Variants in PDGFA observed in about 807,000 individuals in gnomAD.
PDGFA encodes the protein platelet-derived growth factor subunit A.
PDGFA carries 9 observed loss-of-function variants against 25.6 expected under a neutral mutation model. That is an observed-to-expected ratio of 0.35 (90% CI 0.21 to 0.61). The LOEUF (loss-of-function observed/expected upper bound fraction) is 0.61. Among genes scored for constraint, PDGFA ranks in the 20% least tolerant of loss-of-function variants. The probability of loss-of-function intolerance (pLI) is 0.75; values close to 1 mark genes in which losing one functional copy is unlikely to be tolerated. For missense variants in PDGFA, 242 were observed against 272.8 expected (o/e 0.89, Z 0.79); for synonymous variants, 133 against 111.8 (o/e 1.19, Z -1.20).
At chr7:510,684 A>C in intron 4 of PDGFA, 125 bp downstream of exon 4, 11 of 346,558 alleles carry the variant, frequency 3.2e-5, no homozygotes, top group East Asian at 5.7e-5. Context: ...GCTGCTTGGT[A>C]GGGGCGGCCC....
At chr7:510,831 C>T (rs184796222) in exon 4 of PDGFA, 82 of 1,595,116 alleles carry the variant, frequency 5.1e-5, no homozygotes, top group Non-Finnish European at 6.7e-5. Flanking sequence ...GTGGTGGACG[C>T]GGGAGGGCTG....
At chr7:501,373 T>G in intron 4 of PDGFA, 131 bp from the exon 5 acceptor site, 3 of 1,093,016 alleles carry the variant, frequency 2.7e-6, no homozygotes, top group South Asian at 2.7e-5. Context: ...CCAGAAACAC[T>G]ACCTTGTGGT....
intron 3 of PDGFA, 86 bp from the exon 4 acceptor site, chr7:511,082 G>A (rs901168511): frequency 9.3e-7 from 1 of 1,080,352 alleles, no homozygotes; most frequent in Admixed American, 2.0e-5. Context: ...AGCTGGGCCT[G>A]GGGGGCAACC....
chr7:502,162 C>T (rs1782368734), intron 4 of PDGFA, among the ~76,000 whole-genome samples: 1 of 152,052 alleles, frequency 6.6e-6, no homozygotes, highest in African/African-American at 2.4e-5. Flanking sequence ...TTTGAGGCTG[C>T]AGTGAGCTGG....
chr7:500,375 A>T lies in PDGFA; in HGVS notation c.580+741T>A. 6.4e-7 allele frequency: 1 copy of T among 1,564,914 alleles called. No individual in the cohort carries two copies. The highest frequency in any genetic ancestry group is 8.8e-7 in the Non-Finnish European group (1 of 1,135,522). On this transcript the variant is annotated intron_variant, in intron 5 of 5. Coordinates refer to ENST00000402802, the Ensembl canonical transcript of PDGFA. The surrounding 1 kb of genome is among the most constrained non-coding windows in gnomAD (Gnocchi z 5.0). ...GGAAGCGTGATTTGCTGGTGTGATCAGTCAGTTGCACCTCCCCGCCCTGCA... is the reference window on the plus strand; with the variant it reads ...GGAAGCGTGATTTGCTGGTGTGATCTGTCAGTTGCACCTCCCCGCCCTGCA...
In PDGFA at chr7:510,351, T is replaced by C. The variant is rs186344014; in HGVS notation, c.453+458A>G. ...CCCCACCAGCCACACCAGGGGCACC[T>C]TGTGGCCTCCCAGGAGGGACCCTGG... On this transcript the variant is annotated intron_variant, in intron 4 of 5. Coordinates refer to ENST00000402802, the Ensembl canonical transcript of PDGFA. 6.3e-3 allele frequency among the ~76,000 whole-genome samples: 961 copies of C among 151,968 alleles called. 13 individuals are homozygous for C. The highest frequency in any genetic ancestry group is 0.042 in the South Asian group (200 of 4,802).
Position 500,403 on chromosome 7 carries a change from A to T in PDGFA, c.580+713T>A. 6.2e-7 allele frequency: 1 copy of T among 1,611,562 alleles called. No homozygotes were observed. The highest frequency in any genetic ancestry group is 8.5e-7 in the Non-Finnish European group (1 of 1,177,750). On this transcript the variant is annotated intron_variant, in intron 5 of 5. Transcript: ENST00000402802. The surrounding 1 kb of genome is among the most constrained non-coding windows in gnomAD (Gnocchi z 5.0). ...CAGTTGCACCTCCCCGCCCTGCAGG[A>T]CTCAGTGTGTCCGGCAGACAGTCCT...
intron 4 of PDGFA, among the ~76,000 whole-genome samples, chr7:503,559 G>C (rs1242152495): frequency 6.6e-6 from 1 of 152,158 alleles, no homozygotes; most frequent in African/African-American, 2.4e-5. Flanking sequence ...CAACCTTCTT[G>C]GGGGGAAGGG....
intron 2 of PDGFA, 69 bp from the exon 3 acceptor site, chr7:512,524 C>T: frequency 6.2e-7 from 1 of 1,608,558 alleles, no homozygotes; most frequent in Non-Finnish European, 8.5e-7. Flanking sequence ...TGTCCAGCCG[C>T]ACTTCCCACA....
At chr7:512,290 CGG>C in intron 3 of PDGFA, 59 bp downstream of exon 3, 1 of 1,487,358 alleles carries the variant, frequency 6.7e-7, no homozygotes. Context: ...CTGCCCATCG[CGG>C]CCTCCTGGAC....
intron 2 of PDGFA, among the ~76,000 whole-genome samples, chr7:516,882 C>T (rs1392821490): frequency 6.6e-6 from 1 of 152,198 alleles, no homozygotes; most frequent in Non-Finnish European, 1.5e-5. Context: ...GCCACAGAGG[C>T]CCAGCCCTGC....
chr7:515,410 C>G (rs970935772), intron 2 of PDGFA, among the ~76,000 whole-genome samples: 11 of 152,168 alleles, frequency 7.2e-5, no homozygotes, highest in Non-Finnish European at 1.5e-5. Context: ...AAAGACACCC[C>G]CTACAAGCTG....
chr7:501,319 C>G, intron 4 of PDGFA, 77 bp from the exon 5 acceptor site: 1 of 1,586,108 alleles, frequency 6.3e-7, no homozygotes, highest in Non-Finnish European at 8.6e-7. Flanking sequence ...GAGCCGGGGA[C>G]AGGCTGAGAG....
chr7:516,250 G>T (rs1783095729), intron 2 of PDGFA, among the ~76,000 whole-genome samples: 1 of 145,124 alleles, frequency 6.9e-6, no homozygotes, highest in South Asian at 2.2e-4. Flanking sequence ...GGGATTTCCT[G>T]GGTCAAGAAA....
At position 501,088 on chromosome 7, in the gene PDGFA, A is replaced by G. The variant is rs777386545; in HGVS notation, c.580+28T>C. On this transcript the variant is annotated intron_variant, in intron 5 of 5. Transcript: ENST00000402802. ...AGGCTCTGAAGACCTGTTCTCCAAC[A>G]CCGATGCCGACGAAGGCAGCCACTC... 10 of 1,614,038 alleles carry G rather than the reference A, an allele frequency of 6.2e-6. No individual in the cohort carries two copies. The Admixed American group carries it at 1.7e-4, about 27-fold the overall frequency.
chr7:520,117 CT>C, upstream of PDGFA: 1 of 383,628 alleles, frequency 2.6e-6, no homozygotes, highest in Non-Finnish European at 5.2e-6. Context: ...CTTGCCCACC[CT>C]CCAGTGCCAG....
At position 499,950 on chromosome 7, in the gene PDGFA, A is replaced by G. The variant is rs554834381; in HGVS notation, c.580+1166T>C. Among the ~76,000 whole-genome samples the G allele has an allele frequency of 4.7e-4, 71 of 152,200 alleles. 1 individual carries two copies. The highest frequency in any genetic ancestry group is 1.7e-3 in the African/African-American group (71 of 41,520). The stretch of plus-strand genomic sequence containing the variant: ...AATCCCTGTGCTGTCTGGTGTTACT[A>G]GCAGCCAAATGCAATTTCCAACACA... On this transcript the variant is annotated intron_variant, in intron 5 of 5. Coordinates refer to ENST00000402802, the Ensembl canonical transcript of PDGFA.
At position 517,317 on chromosome 7, in the gene PDGFA, C is replaced by CGG; in HGVS notation, c.160+76_160+77insCC. The CGG allele has an allele frequency of 1.9e-6, 1 of 540,480 alleles. No individual in the cohort carries two copies. The allele number at this position is 540,480 out of a possible 1,614,324, so 33.5% of individuals were successfully genotyped here. The stretch of plus-strand genomic sequence containing the variant: ...TTCGGTGCGCTCCTGCGCGGCGCCC[C>CGG]GCCCGGCCCCAGCTCGGGGCGCACA... On this transcript the variant is annotated intron_variant, in intron 2 of 5. Transcript: ENST00000402802. The surrounding 1 kb of genome is among the most constrained non-coding windows in gnomAD (Gnocchi z 7.4).
exon 1 of PDGFA, chr7:519,354 C>T (rs1185705783): frequency 1.1e-5 from 3 of 264,740 alleles, no homozygotes; most frequent in Non-Finnish European, 2.1e-5. Context: ...CCCGCGCTGG[C>T]TTCAGGAGCG....
Sources: allele counts gnomAD v4.1 joint callset (sites outside exome capture counted in the v4.1 genomes callset), GRCh38; gene constraint gnomAD v4.1.1; non-coding constraint Gnocchi (gnomAD v3.1); transcripts MANE v1.5; gene names NCBI Gene and HGNC (gene_info 2026-07-23, HGNC 2026-07-21).